The following MCF2L variants were observed in gnomAD, a reference collection of about 807,000 sequenced individuals.
MCF2L encodes the protein guanine nucleotide exchange factor DBS.
Under a neutral mutation model 153.4 loss-of-function variants are expected in MCF2L, and 97 were observed. The ratio of observed to expected loss-of-function variants is 0.63; its 90% CI spans 0.54 to 0.75. The LOEUF is 0.75. Among genes scored for constraint, MCF2L ranks in the 30% least tolerant of loss-of-function variants. The pLI is 0.00. For synonymous variants in MCF2L, 659 were observed against 632.2 expected, an observed-to-expected ratio of 1.04 and a Z score of -0.64; for missense variants, 1,347 against 1,495.2, an observed-to-expected ratio of 0.90 and a Z score of 1.64.
chr13:113,063,509 G>A (rs1339652226), intron 5 of MCF2L, among the ~76,000 whole-genome samples: 7 of 150,222 alleles, frequency 4.7e-5, no homozygotes, highest in East Asian at 2.0e-4. Context: ...TGCCCACAGC[G>A]TTCAGGCGCC....
intron 2 of MCF2L, chr13:112,909,274 A>G (rs1419334457): frequency 2.6e-6 from 2 of 779,716 alleles, no homozygotes; most frequent in South Asian, 2.7e-5. Flanking sequence ...TCTCGTCCAC[A>G]GTGAGCTGGT....
chr13:113,088,069 C>A (rs2034809959), intron 23 of MCF2L, among the ~76,000 whole-genome samples: 1 of 152,218 alleles, frequency 6.6e-6, no homozygotes, highest in Non-Finnish European at 1.5e-5. Context: ...GTGCATCTGG[C>A]ACGCAGGGCC....
At chr13:113,017,637 G>C (rs1476238595) in intron 2 of MCF2L, among the ~76,000 whole-genome samples, 1 of 152,136 alleles carries the variant, frequency 6.6e-6, no homozygotes, top group East Asian at 1.9e-4. Flanking sequence ...CTGCCCTCAA[G>C]GGGGCTCCCC....
chr13:113,089,901 C>T, intron 26 of MCF2L, 173 bp downstream of exon 26: 1 of 1,606,142 alleles, frequency 6.2e-7, no homozygotes, highest in South Asian at 1.1e-5. Context: ...AGAAGAGCCC[C>T]TCCCTCTCCA....
At chr13:112,996,971 A>G (rs1176659389) in intron 1 of MCF2L, among the ~76,000 whole-genome samples, 1 of 152,130 alleles carries the variant, frequency 6.6e-6, no homozygotes, top group Non-Finnish European at 1.5e-5. Flanking sequence ...CGCCCTCGCT[A>G]TCTCAGGTGT....
intron 2 of MCF2L, among the ~76,000 whole-genome samples, chr13:112,918,872 G>A (rs1008215261): frequency 6.6e-6 from 1 of 152,142 alleles, no homozygotes; most frequent in Non-Finnish European, 1.5e-5. Context: ...CAGGAGCTGA[G>A]GCCCATCTGG....
At chr13:113,092,990 A>T (rs534346858) in intron 26 of MCF2L, among the ~76,000 whole-genome samples, 1 of 150,408 alleles carries the variant, frequency 6.6e-6, no homozygotes, top group South Asian at 2.3e-4. Flanking sequence ...TGCCCACGCC[A>T]CACCAGCTCC....
intron 2 of MCF2L, among the ~76,000 whole-genome samples, chr13:112,947,816 T>G (rs1292105992): frequency 6.6e-6 from 1 of 152,110 alleles, no homozygotes; most frequent in African/African-American, 2.4e-5. Context: ...GCAGCTACAC[T>G]AGGCATTGCC....
At chr13:113,062,879 G>T (rs964593222) in intron 5 of MCF2L, among the ~76,000 whole-genome samples, 12 of 152,172 alleles carry the variant, frequency 7.9e-5, no homozygotes, top group Non-Finnish European at 1.5e-4. Context: ...GCAACCACAG[G>T]TTTTCCACAT....
In MCF2L at chr13:112,932,063, C is replaced by T. The variant is rs2081469664; in HGVS notation, c.169+29692C>T. On this transcript the variant is annotated intron_variant, in intron 2 of 29. Coordinates refer to the MCF2L transcript ENST00000375608. This position sits in a 1 kb window ranked among gnomAD's most constrained non-coding sequence, Gnocchi z 4.6. Reference sequence around the variant, plus strand: ...TTGTTGTCACGAGGGGAGCTCAGAACCCTACTTCCTGAGTGTGGGATGTGC... The same window carrying T: ...TTGTTGTCACGAGGGGAGCTCAGAATCCTACTTCCTGAGTGTGGGATGTGC... Among the ~76,000 whole-genome samples, 1 of 152,178 alleles carries T rather than the reference C, an allele frequency of 6.6e-6. No individual in the cohort carries two copies. The highest frequency in any genetic ancestry group is 1.5e-5 in the Non-Finnish European group (1 of 68,042).
intron 2 of MCF2L, among the ~76,000 whole-genome samples, chr13:112,913,153 G>T (rs567102085): frequency 1.3e-5 from 2 of 148,258 alleles, no homozygotes; most frequent in Admixed American, 1.3e-4. Context: ...GTGTATTTCT[G>T]TGTCTGTATG....
chr13:112,927,505 C>T (rs944814774), intron 2 of MCF2L, among the ~76,000 whole-genome samples: 1 of 152,064 alleles, frequency 6.6e-6, no homozygotes, highest in Admixed American at 6.6e-5. Context: ...TCCAACGAGC[C>T]TACAACATCT....
Position 113,066,168 on chromosome 13 carries a change from G to C in MCF2L, c.879G>C (p.Gln293His). The C allele has an allele frequency of 6.2e-7, 1 of 1,609,218 alleles. No individual in the cohort carries two copies. Among genetic ancestry groups the C allele is most frequent in the Non-Finnish European group, 8.5e-7 (1 of 1,178,018 alleles). The stretch of plus-strand genomic sequence containing the variant: ...AGCTTGACAACCAGGCCACCGTGCA[G>C]AGGTGAGGCCCGGCTGCCTTCCTGC... ...QDQLDNQATV[Q>H]RLLAQLNETE... Residue 293 changes from glutamine to histidine, a missense_variant and splice_region_variant, in exon 8 of 30, where the codon CAG becomes CAC. By Grantham distance (24) the Gln-to-His change is conservative. This residue lies in a region of MCF2L where 820 missense variants were observed against 921.2 expected (regional missense o/e 0.89). Transcript: ENST00000535094.
At chr13:113,025,958 C>T (rs1454118935) in intron 3 of MCF2L, among the ~76,000 whole-genome samples, 398 of 25,196 alleles carry the variant, frequency 0.016, 19 homozygotes, top group African/African-American at 0.032. Context: ...ATTTCCCCGT[C>T]ATGGGGTCCC....
chr13:113,001,899 G>T (rs750625701), intron 1 of MCF2L: 3 of 1,589,302 alleles, frequency 1.9e-6, no homozygotes, highest in Non-Finnish European at 2.6e-6. Context: ...CTCCTGACTC[G>T]CACTGGGCAG....
Position 113,084,992 on chromosome 13 carries a change from C to G in MCF2L, c.2154+8C>G. ...GACTGCCCGTTTTTCCAGGTTTGTCCCCGGACCTTCCTTTAGAACGTTACT... is the reference window on the plus strand; with the variant it reads ...GACTGCCCGTTTTTCCAGGTTTGTCGCCGGACCTTCCTTTAGAACGTTACT... On this transcript the variant is annotated splice_region_variant and intron_variant, in intron 19 of 29. Coordinates refer to ENST00000535094, the MANE Select transcript of MCF2L (RefSeq NM_001112732.3). The G allele has an allele frequency of 1.2e-6, 2 of 1,613,734 alleles. No homozygotes were observed. The highest frequency in any genetic ancestry group is 1.7e-6 in the Non-Finnish European group (2 of 1,179,760).
intron 2 of MCF2L, among the ~76,000 whole-genome samples, chr13:112,912,592 C>T (rs2081244078): frequency 6.6e-6 from 1 of 152,224 alleles, no homozygotes; most frequent in African/African-American, 2.4e-5. Flanking sequence ...GCTGAGATTA[C>T]AGGTGTGAGT....
At chr13:112,931,961 A>C (rs2081468188) in intron 2 of MCF2L, among the ~76,000 whole-genome samples, 1 of 152,198 alleles carries the variant, frequency 6.6e-6, no homozygotes, top group Non-Finnish European at 1.5e-5. Context: ...AAATGATTGA[A>C]TAGATATTAA....
chr13:113,086,673 G>T (rs1463242576), intron 21 of MCF2L, among the ~76,000 whole-genome samples: 1 of 152,126 alleles, frequency 6.6e-6, no homozygotes, highest in Non-Finnish European at 1.5e-5. Flanking sequence ...TCCCCGTAGA[G>T]CCCCACATCA....
Sources: gnomAD v4.1 joint callset for allele counts (sites outside exome capture counted in the v4.1 genomes callset) on GRCh38, gnomAD v4.1.1 for gene constraint, gnomAD v4.1.1 regional missense constraint, Gnocchi (gnomAD v3.1) non-coding constraint, MANE v1.5 for transcripts, NCBI Gene and HGNC (gene_info 2026-07-23, HGNC 2026-07-21) for gene names.